COLGALT2: variants seen among roughly 807,000 people sequenced by gnomAD.
COLGALT2 encodes the protein procollagen galactosyltransferase 2.
Under a neutral mutation model 73.4 loss-of-function variants are expected in COLGALT2, and 49 were observed. The ratio of observed to expected loss-of-function variants is 0.67; its 90% CI spans 0.53 to 0.85. The LOEUF (loss-of-function observed/expected upper bound fraction) is 0.85, where lower values mean the gene tolerates loss of function less well. Among genes scored for constraint, COLGALT2 ranks in the 40% least tolerant of loss-of-function variants. The probability of loss-of-function intolerance (pLI) is 0.00; values close to 1 mark genes in which losing one functional copy is unlikely to be tolerated. For synonymous variants in COLGALT2, 295 were observed against 307.6 expected (o/e 0.96, Z 0.43); for missense variants, 722 against 790.2 (o/e 0.91, Z 1.03).
rs1475308343 is a variant in COLGALT2 at position 183,937,528 on chromosome 1, C to CA, written c.*1232dup. 23 of 985,170 alleles carry CA rather than the reference C, an allele frequency of 2.3e-5. No homozygotes were observed. The highest frequency in any genetic ancestry group is 4.7e-5 in the South Asian group (1 of 21,272). The allele number at this position is 985,170 out of a possible 1,614,324, so 61.0% of individuals were successfully genotyped here. On this transcript the variant is annotated 3_prime_UTR_variant, in exon 12 of 12. Coordinates refer to ENST00000361927, the MANE Select transcript of COLGALT2 (RefSeq NM_015101.4). ...TGGTTGCTGGCCTAAATCAGGTGAC[C>CA]AGCCCTTTGTTTCTGACCAGGTTTC...
At chr1:183,943,540 A>AGGGAAGGAAAAATGAAAGGGAC (rs1558308839) in intron 10 of COLGALT2, among the ~76,000 whole-genome samples, 1 of 152,016 alleles carries the variant, frequency 6.6e-6, no homozygotes, top group Non-Finnish European at 1.5e-5. Flanking sequence ...ATGAAAGGGA[A>AGGGAAGGAAAAATGAAAGGGAC]GGGAAGAAAA....
intron 1 of COLGALT2, among the ~76,000 whole-genome samples, chr1:183,981,910 T>C (rs1276945867): frequency 6.6e-6 from 1 of 152,210 alleles, no homozygotes; most frequent in Non-Finnish European, 1.5e-5. Flanking sequence ...CTTAAAACTA[T>C]GTAACTTAAG....
intron 7 of COLGALT2, among the ~76,000 whole-genome samples, chr1:183,953,383 C>G (rs939967754): frequency 6.6e-6 from 1 of 152,188 alleles, no homozygotes; most frequent in Non-Finnish European, 1.5e-5. Context: ...TCCTGAAGGG[C>G]TCTAGGAGTG....
At chr1:183,970,664 T>G (rs1236459847) in intron 4 of COLGALT2, among the ~76,000 whole-genome samples, 4 of 152,200 alleles carry the variant, frequency 2.6e-5, no homozygotes, top group African/African-American at 9.7e-5. Context: ...TCTTAGTCCA[T>G]GCCTACCCTC....
In COLGALT2 at chr1:184,037,174, G is replaced by T. The variant is rs1328214331; in HGVS notation, c.184C>A (p.Arg62Ser). The T allele has an allele frequency of 6.2e-7, 1 of 1,604,756 alleles. No individual in the cohort carries two copies. The highest frequency in any genetic ancestry group is 8.5e-7 in the Non-Finnish European group (1 of 1,177,164). ...SPTVLVAVLA[R>S]NAAHTLPHFL... ...TGCGGCAGCGTGTGCGCCGCGTTGC[G>T]GGCGAGGACCGCCACGAGCACCGTG... Residue 62 changes from arginine to serine, a missense_variant, in exon 1 of 12, where the codon CGC (arginine) becomes AGC (serine). Arg to Ser is a moderately radical substitution (Grantham distance 110). Transcript: ENST00000361927.
At chr1:183,999,248 C>T (rs960188287) in intron 1 of COLGALT2, among the ~76,000 whole-genome samples, 2 of 151,908 alleles carry the variant, frequency 1.3e-5, no homozygotes, top group African/African-American at 2.4e-5. Context: ...GTTAATTTGT[C>T]GATATGATAA....
intron 1 of COLGALT2, among the ~76,000 whole-genome samples, chr1:183,990,617 A>T (rs1671605391): frequency 6.6e-6 from 1 of 152,236 alleles, no homozygotes; most frequent in South Asian, 2.1e-4. Flanking sequence ...TTCTCAAAGG[A>T]TCAGAGGCTT....
In COLGALT2 at chr1:183,939,025, C is replaced by A; in HGVS notation, c.1617G>T (p.Lys539Asn). ...TCAGGTCCCTGGATTCATAATACTC[C>A]TTGTACTCGGCTCTGAAAACAAGAA... ...MYNKHPVAEYKEYYESRDLKA... is the reference protein window; with the variant it reads ...MYNKHPVAEYNEYYESRDLKA... Residue 539 changes from lysine to asparagine, a missense_variant, in exon 12 of 12, where the codon AAG becomes AAT. Coordinates refer to ENST00000361927, the MANE Select transcript of COLGALT2 (RefSeq NM_015101.4). 6.2e-7 allele frequency: 1 copy of A among 1,610,866 alleles called. No individual in the cohort carries two copies. Among genetic ancestry groups the A allele is most frequent in the East Asian group, 2.2e-5 (1 of 44,796 alleles).
At chr1:183,972,900 C>T (rs556712581) in intron 4 of COLGALT2, among the ~76,000 whole-genome samples, 20 of 152,176 alleles carry the variant, frequency 1.3e-4, no homozygotes, top group Admixed American at 1.2e-3. Context: ...GAGGTTTCAC[C>T]ATGTTAGCCA....
chr1:183,954,273 T>TG (rs1046399489), intron 7 of COLGALT2, among the ~76,000 whole-genome samples: 2 of 44,200 alleles, frequency 4.5e-5, no homozygotes, highest in African/African-American at 2.7e-4. Flanking sequence ...AGAACAAATA[T>TG]GTTTTTTTTT....
chr1:183,951,132 G>C lies in COLGALT2; in HGVS notation c.1030-19C>G. The C allele has an allele frequency of 6.4e-7, 1 of 1,555,044 alleles. No individual in the cohort carries two copies. Among genetic ancestry groups the C allele is most frequent in the Non-Finnish European group, 8.9e-7 (1 of 1,126,366 alleles). ...TGAAAATCTAATGCAAGAAGGAAAA[G>C]GGAAAAGACACATAAATTACTCAAG... On this transcript the variant is annotated intron_variant, in intron 7 of 11. Transcript: ENST00000361927.
At chr1:183,965,788 A>G (rs922259100) in intron 5 of COLGALT2, among the ~76,000 whole-genome samples, 2 of 95,326 alleles carry the variant, frequency 2.1e-5, no homozygotes, top group Non-Finnish European at 4.4e-5. Flanking sequence ...ATTGCCTCCA[A>G]AGAATGGCAA....
At chr1:183,974,198 A>G (rs1671129562) in intron 3 of COLGALT2, among the ~76,000 whole-genome samples, 1 of 152,238 alleles carries the variant, frequency 6.6e-6, no homozygotes, top group Non-Finnish European at 1.5e-5. Context: ...TTAATGTGAC[A>G]AGTAGAATTT....
chr1:183,970,129 C>T (rs940552653), intron 4 of COLGALT2, among the ~76,000 whole-genome samples: 2 of 152,336 alleles, frequency 1.3e-5, no homozygotes, highest in East Asian at 3.9e-4. Flanking sequence ...AATGCAGTTA[C>T]TTAGTCAATA....
chr1:183,964,667 A>C (rs920234709), intron 5 of COLGALT2, among the ~76,000 whole-genome samples: 2 of 152,214 alleles, frequency 1.3e-5, no homozygotes, highest in African/African-American at 4.8e-5. Context: ...GTAGTGTGAC[A>C]ATACCAGAAG....
chr1:183,980,133 T>A (rs1464418907), intron 1 of COLGALT2, among the ~76,000 whole-genome samples: 5 of 151,894 alleles, frequency 3.3e-5, no homozygotes, highest in African/African-American at 1.2e-4. Flanking sequence ...TAGAGAAAAA[T>A]TCAGTTTTAT....
At chr1:184,034,280 T>C (rs916643297) in intron 1 of COLGALT2, among the ~76,000 whole-genome samples, 40 of 55,590 alleles carry the variant, frequency 7.2e-4, no homozygotes, top group Non-Finnish European at 1.3e-3. Context: ...CCTATTATCT[T>C]TTTTTTTTTT....
At chr1:183,985,899 T>A (rs1478344234) in intron 1 of COLGALT2, among the ~76,000 whole-genome samples, 1 of 152,188 alleles carries the variant, frequency 6.6e-6, no homozygotes, top group African/African-American at 2.4e-5. Flanking sequence ...AACTACCCTC[T>A]CAGATGCTTC....
At chr1:183,988,703 G>T (rs1489504676) in intron 1 of COLGALT2, among the ~76,000 whole-genome samples, 1 of 152,150 alleles carries the variant, frequency 6.6e-6, no homozygotes, top group South Asian at 2.1e-4. Flanking sequence ...ATGTTCCATA[G>T]TATGGATATG....
Sources: allele counts gnomAD v4.1 joint callset (sites outside exome capture counted in the v4.1 genomes callset), GRCh38; gene constraint gnomAD v4.1.1; transcripts MANE v1.5; gene names NCBI Gene and HGNC (gene_info 2026-07-23, HGNC 2026-07-21).